The following RAI14 variants were observed in gnomAD, a reference collection of about 807,000 sequenced individuals.
RAI14 encodes retinoic acid induced 14.
Under a neutral mutation model 115.4 loss-of-function variants are expected in RAI14, and 45 were observed. The ratio of observed to expected loss-of-function variants is 0.39; its 90% CI spans 0.31 to 0.50. The LOEUF (loss-of-function observed/expected upper bound fraction) is 0.50, where lower values mean the gene tolerates loss of function less well. RAI14 is among the 20% of genes least tolerant of loss of function. RAI14 has a pLI of 0.85. For synonymous variants in RAI14, 371 were observed against 415.4 expected, an observed-to-expected ratio of 0.89 and a Z score of 1.30; for missense variants, 939 against 1,131.2, an observed-to-expected ratio of 0.83 and a Z score of 2.44.
At chr5:34,670,959 A>T (rs948131520) in intron 1 of RAI14, among the ~76,000 whole-genome samples, 1 of 152,116 alleles carries the variant, frequency 6.6e-6, no homozygotes, top group African/African-American at 2.4e-5. Context: ...TTTTTGGAAA[A>T]TTTTCAGACA....
At chr5:34,735,745 G>A (rs1010771652) in intron 2 of RAI14, among the ~76,000 whole-genome samples, 4 of 152,138 alleles carry the variant, frequency 2.6e-5, no homozygotes, top group South Asian at 2.1e-4. Context: ...AAATTAATTC[G>A]GCAGGGTTTA....
chr5:34,757,597 G>T lies in RAI14; in HGVS notation c.166G>T (p.Ala56Ser). 6.2e-7 allele frequency: 1 copy of T among 1,606,452 alleles called. No homozygotes were observed. Among genetic ancestry groups the T allele is most frequent in the Non-Finnish European group, 8.5e-7 (1 of 1,175,970 alleles). ...ATKHDSEGKT[A>S]FHLAAAKGHV... ...CAAACACGACAGTGAGGGCAAGACCGCGTAAGCTGAAACACTGGTTTGCAG... is the reference window on the plus strand; with the variant it reads ...CAAACACGACAGTGAGGGCAAGACCTCGTAAGCTGAAACACTGGTTTGCAG... Residue 56 changes from alanine (A) to serine (S), a missense_variant and splice_region_variant, in exon 3 of 18, where the codon GCT (alanine) becomes TCT (serine). Physicochemically the swap from Ala to Ser is moderately conservative, Grantham distance 99. Transcript: ENST00000265109.
intron 2 of RAI14, among the ~76,000 whole-genome samples, chr5:34,730,915 G>A (rs1744094671): frequency 6.6e-6 from 1 of 152,162 alleles, no homozygotes; most frequent in Non-Finnish European, 1.5e-5. Flanking sequence ...CCTGGTAGGT[G>A]GAGGTTGCAG....
intron 2 of RAI14, among the ~76,000 whole-genome samples, chr5:34,735,150 G>A (rs72730553): frequency 0.033 from 4,988 of 152,270 alleles, 110 homozygotes; most frequent in South Asian, 0.07. Flanking sequence ...GAGAAAACTG[G>A]GCTGTTGAGC....
At position 34,822,250 on chromosome 5, in the gene RAI14, G is replaced by GTATATATATATATATATA. The variant is rs376790121; in HGVS notation, c.1113+407_1113+424dup. Among the ~76,000 whole-genome samples the GTATATATATATATATATA allele has an allele frequency of 2.4e-3, 325 of 134,672 alleles. 1 individual carries two copies. The highest frequency in any genetic ancestry group is 6.5e-3 in the African/African-American group (233 of 35,680). 88.4% of individuals were successfully genotyped at this position (134,672 alleles called of 152,430 possible). On this transcript the variant is annotated intron_variant, in intron 14 of 17. Transcript: ENST00000265109. ...TTAAATTATATATGTATGTGTGTAT[G>GTATATATATATATATATA]TATATATATATATATATATATATAA...
At chr5:34,790,879 T>C (rs776713346) in intron 3 of RAI14, among the ~76,000 whole-genome samples, 6 of 151,922 alleles carry the variant, frequency 3.9e-5, no homozygotes, top group Non-Finnish European at 5.9e-5. Flanking sequence ...ACAGAACTTA[T>C]TGAGAATTTC....
intron 3 of RAI14, among the ~76,000 whole-genome samples, chr5:34,779,703 C>T (rs994022325): frequency 6.6e-6 from 1 of 152,180 alleles, no homozygotes; most frequent in East Asian, 1.9e-4. Flanking sequence ...CAAACCACTA[C>T]TCAACGAAAT....
At position 34,771,351 on chromosome 5, in the gene RAI14, G is replaced by A. The variant is rs183479785; in HGVS notation, c.167+13753G>A. 2.6e-5 allele frequency among the ~76,000 whole-genome samples: 4 copies of A among 152,290 alleles called. No homozygotes were observed. The East Asian group carries it at 7.7e-4, about 29-fold the overall frequency. On this transcript the variant is annotated intron_variant, in intron 3 of 17. Transcript: ENST00000265109. ...AATATTGGTTGCAGAGGCAATGGAAGGAACTGATCATGGTAACAGACGCCC... is the reference window on the plus strand; with the variant it reads ...AATATTGGTTGCAGAGGCAATGGAAAGAACTGATCATGGTAACAGACGCCC...
At chr5:34,820,879 T>C (rs1297927490) in intron 13 of RAI14, among the ~76,000 whole-genome samples, 7 of 152,306 alleles carry the variant, frequency 4.6e-5, no homozygotes, top group African/African-American at 7.2e-5. Flanking sequence ...GAAGAGAAGA[T>C]AGTTTCATGC....
intron 2 of RAI14, among the ~76,000 whole-genome samples, chr5:34,743,611 C>G (rs1482568344): frequency 6.6e-6 from 1 of 152,148 alleles, no homozygotes; most frequent in African/African-American, 2.4e-5. Flanking sequence ...GTAGGGCTAG[C>G]CAACACCAAG....
intron 2 of RAI14, among the ~76,000 whole-genome samples, chr5:34,691,349 G>A (rs1320037502): frequency 1.3e-5 from 2 of 152,212 alleles, no homozygotes; most frequent in Admixed American, 6.5e-5. Flanking sequence ...AAAATGGATA[G>A]ATTGACTTTT....
intron 3 of RAI14, among the ~76,000 whole-genome samples, chr5:34,759,593 C>T (rs1748356242): frequency 6.6e-6 from 1 of 152,158 alleles, no homozygotes; most frequent in Non-Finnish European, 1.5e-5. Flanking sequence ...CAGTGTCTCC[C>T]ATCACCCCCA....
At chr5:34,684,164 G>GA (rs1744617457) in intron 1 of RAI14, among the ~76,000 whole-genome samples, 2 of 152,252 alleles carry the variant, frequency 1.3e-5, no homozygotes, top group South Asian at 2.1e-4. Flanking sequence ...GTTTTGACGT[G>GA]AAAAAAACAA....
intron 3 of RAI14, among the ~76,000 whole-genome samples, chr5:34,767,096 T>A (rs1416409885): frequency 6.6e-6 from 1 of 152,178 alleles, no homozygotes; most frequent in Non-Finnish European, 1.5e-5. Context: ...TTCTTCCCAG[T>A]TTTGGGTATG....
intron 3 of RAI14, among the ~76,000 whole-genome samples, chr5:34,787,814 G>C (rs1295208217): frequency 2.5e-5 from 3 of 119,958 alleles, no homozygotes; most frequent in Non-Finnish European, 5.4e-5. Flanking sequence ...TGTTTAATTT[G>C]TTTTTATAGA....
intron 2 of RAI14, among the ~76,000 whole-genome samples, chr5:34,752,739 G>GTATATATATATA (rs1315594173): frequency 9.5e-5 from 10 of 105,756 alleles, no homozygotes; most frequent in Non-Finnish European, 1.3e-4. Context: ...GTGTGTGTGT[G>GTATATATATATA]TGTGTGTGTG....
chr5:34,746,129 G>A lies in RAI14; in HGVS notation c.37-11339G>A, dbSNP rs1167046514. The stretch of plus-strand genomic sequence containing the variant: ...TTTTTTTTTTTTGTTTTTTTGAGAT[G>A]GAATCTCGCTCTGTCGCCCAGGCTG... On this transcript the variant is annotated intron_variant, in intron 2 of 17. Transcript: ENST00000265109. 1.8e-4 allele frequency among the ~76,000 whole-genome samples: 17 copies of A among 91,950 alleles called. 1 individual carries two copies. The highest frequency in any genetic ancestry group is 6.5e-4 in the African/African-American group (15 of 23,230). 60.3% of individuals were successfully genotyped at this position (91,950 alleles called of 152,430 possible).
At chr5:34,788,570 C>T (rs749876639) in intron 3 of RAI14, among the ~76,000 whole-genome samples, 11 of 152,260 alleles carry the variant, frequency 7.2e-5, no homozygotes, top group Middle Eastern at 3.4e-3. Flanking sequence ...ATGAGTACTT[C>T]TGGCTATAGA....
chr5:34,720,639 T>C (rs1742587763), intron 2 of RAI14, among the ~76,000 whole-genome samples: 2 of 152,030 alleles, frequency 1.3e-5, no homozygotes, highest in South Asian at 4.1e-4. Flanking sequence ...CTCGATCTCC[T>C]GACTTTGTGA....
Sources: allele counts gnomAD v4.1 joint callset (sites outside exome capture counted in the v4.1 genomes callset), GRCh38; gene constraint gnomAD v4.1.1; transcripts MANE v1.5; gene names NCBI Gene and HGNC (gene_info 2026-07-23, HGNC 2026-07-21).